The following PACS1 variants were observed in gnomAD, a reference collection of about 807,000 sequenced individuals.
PACS1 encodes phosphofurin acidic cluster sorting protein 1, also known as PACS-1.
PACS1 carries 24 observed loss-of-function variants against 115.0 expected under a neutral mutation model. The ratio of observed to expected loss-of-function variants is 0.21; its 90% CI spans 0.15 to 0.29. The LOEUF (loss-of-function observed/expected upper bound fraction) is 0.29, where lower values mean the gene tolerates loss of function less well. Among genes scored for constraint, PACS1 ranks in the 10% least tolerant of loss-of-function variants. PACS1 has a pLI of 1.00. For missense variants in PACS1, 838 were observed against 1,251.2 expected (o/e 0.67, Z 4.98); for synonymous variants, 453 against 504.5 (o/e 0.90, Z 1.37).
intron 1 of PACS1, among the ~76,000 whole-genome samples, chr11:66,177,403 C>G (rs549755005): frequency 6.6e-6 from 1 of 152,080 alleles, no homozygotes; most frequent in African/African-American, 2.4e-5. Context: ...GTCGGTCAAG[C>G]TGGTCTCGAA....
chr11:66,113,537 A>G (rs1172708984), intron 1 of PACS1, among the ~76,000 whole-genome samples: 1 of 152,134 alleles, frequency 6.6e-6, no homozygotes, highest in Non-Finnish European at 1.5e-5. Flanking sequence ...ACAAGCAAGG[A>G]AAAAAAATGT....
chr11:66,194,057 G>A (rs1194393869), intron 2 of PACS1, among the ~76,000 whole-genome samples: 6 of 152,156 alleles, frequency 3.9e-5, no homozygotes, highest in African/African-American at 4.8e-5. Flanking sequence ...TCCGCCTCCC[G>A]GGTTCACGCC....
intron 1 of PACS1, among the ~76,000 whole-genome samples, chr11:66,089,340 G>A (rs527243910): frequency 6.6e-6 from 1 of 152,278 alleles, no homozygotes; most frequent in Admixed American, 6.5e-5. Flanking sequence ...ATAAATGTAA[G>A]CATGCTTGAA....
chr11:66,231,656 A>G (rs1379779988), intron 13 of PACS1: 2 of 167,976 alleles, frequency 1.2e-5, no homozygotes, highest in Non-Finnish European at 2.6e-5. Context: ...TGAGACTAGA[A>G]TAGCCCAGTG....
chr11:66,231,561 C>G (rs1855595146), intron 13 of PACS1, among the ~76,000 whole-genome samples: 1 of 152,180 alleles, frequency 6.6e-6, no homozygotes, highest in Non-Finnish European at 1.5e-5. Flanking sequence ...AAACAGCCAG[C>G]CTGTTCATTC....
At chr11:66,183,321 G>A (rs1209988029) in intron 1 of PACS1, among the ~76,000 whole-genome samples, 1 of 152,162 alleles carries the variant, frequency 6.6e-6, no homozygotes, top group Non-Finnish European at 1.5e-5. Context: ...ACAGGTGCCT[G>A]TAAAATAGAA....
intron 2 of PACS1, among the ~76,000 whole-genome samples, chr11:66,206,447 A>AGGGCT (rs751783732): frequency 4.6e-4 from 70 of 152,258 alleles, no homozygotes; most frequent in Non-Finnish European, 7.1e-4. Context: ...CATGCTTGAA[A>AGGGCT]GGGCTGGGCT....
At chr11:66,131,429 A>G (rs1858700699) in intron 1 of PACS1, among the ~76,000 whole-genome samples, 1 of 151,876 alleles carries the variant, frequency 6.6e-6, no homozygotes, top group Admixed American at 6.6e-5. Flanking sequence ...TCATTTTCCC[A>G]TTTTTCCAGT....
intron 1 of PACS1, among the ~76,000 whole-genome samples, chr11:66,109,951 T>A (rs1858148653): frequency 6.6e-6 from 1 of 152,198 alleles, no homozygotes; most frequent in Middle Eastern, 3.2e-3. Flanking sequence ...TCTTAAGATA[T>A]AAACGGCACA....
intron 7 of PACS1, chr11:66,217,865 G>A (rs547187199): frequency 1.8e-5 from 5 of 274,768 alleles, no homozygotes; most frequent in South Asian, 6.3e-5. Flanking sequence ...ACCAGAAAGC[G>A]GCCCTATTTT....
At chr11:66,190,577 G>A (rs1341485537) in intron 1 of PACS1, among the ~76,000 whole-genome samples, 1 of 152,082 alleles carries the variant, frequency 6.6e-6, no homozygotes, top group Non-Finnish European at 1.5e-5. Context: ...TTAAGAGAAT[G>A]GGATCTTTCT....
chr11:66,162,482 T>C (rs1220260047), intron 1 of PACS1, among the ~76,000 whole-genome samples: 2 of 152,264 alleles, frequency 1.3e-5, no homozygotes, highest in South Asian at 2.1e-4. Context: ...AGAAAGGCTA[T>C]GTGAAGACAG....
chr11:66,223,071 A>G lies in PACS1; in HGVS notation c.1293+1824A>G, dbSNP rs201546170. On this transcript the variant is annotated intron_variant, in intron 10 of 23. Transcript: ENST00000320580. ...TCGATTTACAAAAAAAAAAAAAAAAAAAAAAAACTCTTTCTAAATTTATTT... is the reference window on the plus strand; with the variant it reads ...TCGATTTACAAAAAAAAAAAAAAAAGAAAAAAACTCTTTCTAAATTTATTT... Among the ~76,000 whole-genome samples, 151 of 151,878 alleles carry G rather than the reference A, an allele frequency of 9.9e-4. 4 individuals are homozygous for G. The East Asian group carries it at 0.024, about 24-fold the overall frequency.
rs140375661 is a variant in PACS1, at chr11:66,233,653, C to T, written c.1839-132C>T. 320 of 815,224 alleles carry T rather than the reference C, an allele frequency of 3.9e-4. No individual in the cohort carries two copies. In the African/African-American group the frequency reaches 5.0e-3, roughly 13 times the overall value. The allele number at this position is 815,224 out of a possible 1,614,324, so 50.5% of individuals were successfully genotyped here. A position where few individuals can be genotyped will look rare whatever the true frequency, so the allele number is the denominator to read the frequency against. On this transcript the variant is annotated intron_variant, in intron 15 of 23. Transcript: ENST00000320580. The surrounding 1 kb of genome is among the most constrained non-coding windows in gnomAD (Gnocchi z 4.5). ...TGGCTTATTCCCTGTATGATCCTCT[C>T]TGTTTTATTTTGTGGATTGGTTTGC... is the stretch of plus-strand genomic sequence containing the variant.
intron 1 of PACS1, among the ~76,000 whole-genome samples, chr11:66,154,020 A>C (rs1424470078): frequency 6.6e-6 from 1 of 152,206 alleles, no homozygotes; most frequent in Non-Finnish European, 1.5e-5. Flanking sequence ...TATTAACATC[A>C]AATGAAATAA....
At chr11:66,082,760 CAGG>C (rs1857508148) in intron 1 of PACS1, among the ~76,000 whole-genome samples, 2 of 152,140 alleles carry the variant, frequency 1.3e-5, no homozygotes, top group Admixed American at 1.3e-4. Context: ...GAGGCTGAGA[CAGG>C]AGAATCGCTT....
chr11:66,225,116 G>A (rs554206175), intron 10 of PACS1, among the ~76,000 whole-genome samples: 5 of 152,238 alleles, frequency 3.3e-5, no homozygotes, highest in African/African-American at 4.8e-5. Context: ...CTGCTAAGTC[G>A]CTATTTCCAC....
At chr11:66,187,348 A>C (rs1207628917) in intron 1 of PACS1, among the ~76,000 whole-genome samples, 2 of 152,064 alleles carry the variant, frequency 1.3e-5, no homozygotes, top group African/African-American at 4.8e-5. Flanking sequence ...CCTCCTAGCT[A>C]TCTGTAATTA....
Position 66,135,617 on chromosome 11 carries a change from G to A in PACS1, c.357-57869G>A, listed in dbSNP as rs368806049. Among the ~76,000 whole-genome samples the A allele has an allele frequency of 5.9e-5, 9 of 151,520 alleles. No individual in the cohort carries two copies. In the East Asian group the frequency reaches 1.7e-3, roughly 29 times the overall value. On this transcript the variant is annotated intron_variant, in intron 1 of 23. Transcript: ENST00000320580. ...CACAGGTTCAGCATGTACCATGGCT[G>A]CCTGAGGCCTGCCCTCATCCCTGCT...
Sources: allele counts gnomAD v4.1 joint callset (sites outside exome capture counted in the v4.1 genomes callset), GRCh38; gene constraint gnomAD v4.1.1; non-coding constraint Gnocchi (gnomAD v3.1); transcripts MANE v1.5; gene names NCBI Gene and HGNC (gene_info 2026-07-23, HGNC 2026-07-21).